Variants in CACNB2 observed in about 807,000 individuals in gnomAD.
CACNB2 encodes the protein voltage-dependent L-type calcium channel subunit beta-2.
Under a neutral mutation model 73.3 loss-of-function variants are expected in CACNB2, and 42 were observed. That is an observed-to-expected ratio of 0.57 (90% CI 0.45 to 0.74). The LOEUF (loss-of-function observed/expected upper bound fraction) is 0.74, where lower values mean the gene tolerates loss of function less well. Ranked by LOEUF, CACNB2 falls within the 30% of genes least tolerant of loss-of-function variation. The pLI, the probability that CACNB2 is intolerant of heterozygous loss-of-function variation, is 0.00. For synonymous variants in CACNB2, 348 were observed against 310.3 expected (o/e 1.12, Z -1.28); for missense variants, 940 against 853.0 (o/e 1.10, Z -1.27).
intron 3 of CACNB2, among the ~76,000 whole-genome samples, chr10:18,450,682 G>A (rs1189158965): frequency 1.3e-5 from 2 of 149,598 alleles, no homozygotes; most frequent in African/African-American, 5.0e-5. Flanking sequence ...GAGTATGGTG[G>A]TGCCATCTCG....
chr10:18,196,779 T>C (rs74602025), intron 2 of CACNB2, among the ~76,000 whole-genome samples: 7,368 of 152,278 alleles, frequency 0.048, 239 homozygotes, highest in African/African-American at 0.071. Context: ...GAAATGCCTT[T>C]TGTGTGTGTG....
At chr10:18,286,502 A>G (rs2038803791) in intron 2 of CACNB2, among the ~76,000 whole-genome samples, 2 of 127,080 alleles carry the variant, frequency 1.6e-5, no homozygotes, top group South Asian at 5.9e-4. Flanking sequence ...TGGGCAAAAG[A>G]GCGAGATTCT....
chr10:18,332,274 GAGAGGTGGCAA>G (rs1230134505), intron 2 of CACNB2, among the ~76,000 whole-genome samples: 1 of 152,232 alleles, frequency 6.6e-6, no homozygotes, highest in African/African-American at 2.4e-5. Flanking sequence ...GAGTGGTGGT[GAGAGGTGGCAA>G]GGGTTGGATT....
intron 2 of CACNB2, among the ~76,000 whole-genome samples, chr10:18,203,804 T>C (rs1300430788): frequency 6.6e-6 from 1 of 152,186 alleles, no homozygotes; most frequent in Non-Finnish European, 1.5e-5. Context: ...AGATACTAAA[T>C]AAAGAACCGT....
At chr10:18,468,215 T>C (rs567311786) in intron 3 of CACNB2, among the ~76,000 whole-genome samples, 10 of 152,140 alleles carry the variant, frequency 6.6e-5, no homozygotes, top group Middle Eastern at 3.4e-3. Flanking sequence ...ATCCCAACAT[T>C]TTGGGAGGCT....
At chr10:18,438,771 T>C (rs576771250) in intron 3 of CACNB2, among the ~76,000 whole-genome samples, 1 of 152,350 alleles carries the variant, frequency 6.6e-6, no homozygotes, top group Non-Finnish European at 1.5e-5. Flanking sequence ...CCTTATGGAG[T>C]ATACGATCAC....
In CACNB2 at chr10:18,231,246, G is replaced by A. The variant is rs570186326; in HGVS notation, c.213+80271G>A. 3.4e-4 allele frequency among the ~76,000 whole-genome samples: 52 copies of A among 152,126 alleles called. No homozygotes were observed. In the Middle Eastern group the frequency reaches 0.014, roughly 40 times the overall value. On this transcript the variant is annotated intron_variant, in intron 2 of 13. Transcript: ENST00000324631. ...GGCTAGAGTGCAGTGGCCCGATCTC[G>A]GCTCACTGCAACCTCCACCTCCCAG...
chr10:18,522,681 C>T (rs542657662), intron 9 of CACNB2, among the ~76,000 whole-genome samples: 2 of 151,834 alleles, frequency 1.3e-5, no homozygotes, highest in Non-Finnish European at 2.9e-5. Flanking sequence ...TGTTCGAGAC[C>T]GGCTTCGCCA....
intron 2 of CACNB2, among the ~76,000 whole-genome samples, chr10:18,339,084 T>C (rs2132060247): frequency 6.6e-6 from 1 of 152,174 alleles, no homozygotes; most frequent in East Asian, 1.9e-4. Context: ...GCTAGGGACA[T>C]TTCATTCATG....
At chr10:18,443,014 G>GTGTATATATATATATGTA (rs2046542883) in intron 3 of CACNB2, among the ~76,000 whole-genome samples, 1 of 16,538 alleles carries the variant, frequency 6.0e-5, no homozygotes, top group Non-Finnish European at 9.2e-5. Flanking sequence ...ATATATATAT[G>GTGTATATATATATATGTA]TATATATATA....
At chr10:18,203,105 G>C (rs1000367058) in intron 2 of CACNB2, among the ~76,000 whole-genome samples, 8 of 152,104 alleles carry the variant, frequency 5.3e-5, no homozygotes, top group African/African-American at 1.9e-4. Context: ...GTACCTCATG[G>C]GTACAAAAGA....
chr10:18,279,675 T>C (rs1014017190), intron 2 of CACNB2, among the ~76,000 whole-genome samples: 1 of 152,242 alleles, frequency 6.6e-6, no homozygotes, highest in South Asian at 2.1e-4. Context: ...TCATGACCTA[T>C]TGACAAAGTT....
chr10:18,503,145 GA>G (rs577598525), intron 5 of CACNB2, among the ~76,000 whole-genome samples: 2,073 of 152,010 alleles, frequency 0.014, 51 homozygotes, highest in African/African-American at 0.046. Context: ...TTCTTAATGA[GA>G]AAAAAAAGTA....
At chr10:18,350,585 G>T (rs192543730) in intron 2 of CACNB2, among the ~76,000 whole-genome samples, 322 of 152,222 alleles carry the variant, frequency 2.1e-3, no homozygotes, top group African/African-American at 7.4e-3. Flanking sequence ...TCACCCAGGG[G>T]TACCTCCTTG....
intron 5 of CACNB2, among the ~76,000 whole-genome samples, chr10:18,504,142 C>G (rs1037887934): frequency 6.6e-6 from 1 of 152,168 alleles, no homozygotes; most frequent in African/African-American, 2.4e-5. Context: ...ATGGGCTTGC[C>G]TAGGCTAACA....
At chr10:18,250,104 G>C (rs552548055) in intron 2 of CACNB2, among the ~76,000 whole-genome samples, 4 of 152,158 alleles carry the variant, frequency 2.6e-5, no homozygotes, top group East Asian at 1.9e-4. Context: ...AGGTGTCCTC[G>C]CACGAACACT....
At chr10:18,253,615 T>C (rs773874565) in intron 2 of CACNB2, among the ~76,000 whole-genome samples, 1 of 152,206 alleles carries the variant, frequency 6.6e-6, no homozygotes, top group African/African-American at 2.4e-5. Context: ...TTCTTAGATC[T>C]ACAATGAATG....
At chr10:18,479,023 A>C (rs1179053347) in intron 3 of CACNB2, among the ~76,000 whole-genome samples, 1 of 152,008 alleles carries the variant, frequency 6.6e-6, no homozygotes, top group Non-Finnish European at 1.5e-5. Context: ...CTACCACTGC[A>C]CTCCAGTCTG....
intron 3 of CACNB2, among the ~76,000 whole-genome samples, chr10:18,481,322 C>T (rs1296275488): frequency 3.8e-5 from 5 of 132,940 alleles, no homozygotes; most frequent in African/African-American, 1.1e-4. Context: ...TCTCGGCTCA[C>T]TGCAACCTCT....
Sources: gnomAD v4.1 joint callset for allele counts (sites outside exome capture counted in the v4.1 genomes callset) on GRCh38, gnomAD v4.1.1 for gene constraint, MANE v1.5 for transcripts, NCBI Gene and HGNC (gene_info 2026-07-23, HGNC 2026-07-21) for gene names.